The following SATB2 variants were observed in gnomAD, a reference collection of about 807,000 sequenced individuals.
SATB2 encodes SATB homeobox 2, also known as DNA-binding protein SATB2.
SATB2 carries 1 observed loss-of-function variant against 73.4 expected under a neutral mutation model. The ratio of observed to expected loss-of-function variants is 0.01; its 90% CI spans 0.00 to 0.06. The LOEUF is 0.06. Among genes scored for constraint, SATB2 ranks in the 10% least tolerant of loss-of-function variants. The probability of loss-of-function intolerance (pLI) is 1.00; values close to 1 mark genes in which losing one functional copy is unlikely to be tolerated. For synonymous variants in SATB2, 397 were observed against 367.0 expected (o/e 1.08, Z -0.93); for missense variants, 459 against 945.8 (o/e 0.49, Z 6.75).
intron 3 of SATB2, among the ~76,000 whole-genome samples, chr2:199,424,110 AC>A (rs1213167802): frequency 1.3e-5 from 2 of 152,206 alleles, no homozygotes; most frequent in African/African-American, 4.8e-5. Flanking sequence ...TAGAGGAAGA[AC>A]CTTTGTGTTT....
chr2:199,434,602 A>T (rs1411747176), intron 2 of SATB2, among the ~76,000 whole-genome samples: 1 of 152,240 alleles, frequency 6.6e-6, no homozygotes, highest in East Asian at 1.9e-4. Flanking sequence ...TTTGTGCAAG[A>T]AAAATTAAAA....
At chr2:199,376,112 G>T (rs1404785266) in intron 5 of SATB2, among the ~76,000 whole-genome samples, 1 of 152,092 alleles carries the variant, frequency 6.6e-6, no homozygotes, top group Non-Finnish European at 1.5e-5. Flanking sequence ...GAATGCCAGG[G>T]TCCACATTAC....
chr2:199,358,059 T>C (rs1689038546), intron 6 of SATB2, among the ~76,000 whole-genome samples: 1 of 152,124 alleles, frequency 6.6e-6, no homozygotes, highest in South Asian at 2.1e-4. Flanking sequence ...CACCTGATAC[T>C]TATTTTGTCT....
intron 7 of SATB2, among the ~76,000 whole-genome samples, chr2:199,344,668 C>T (rs990005519): frequency 6.6e-6 from 1 of 152,192 alleles, no homozygotes; most frequent in Admixed American, 6.5e-5. Flanking sequence ...AGTTCCAGCA[C>T]CGCTGAAGAC....
At chr2:199,309,011 G>C (rs1326236897) in intron 9 of SATB2, 54 bp from the exon 10 acceptor site, 2 of 1,475,740 alleles carry the variant, frequency 1.4e-6, no homozygotes, top group Non-Finnish European at 1.9e-6. Context: ...AGGAGCTGAG[G>C]GGGCCTTGAC....
intron 9 of SATB2, among the ~76,000 whole-genome samples, chr2:199,318,024 G>C (rs969324499): frequency 3.9e-5 from 6 of 152,010 alleles, no homozygotes; most frequent in African/African-American, 1.5e-4. Flanking sequence ...ACTGGTCCAT[G>C]ATAGGCTCTC....
intron 9 of SATB2, among the ~76,000 whole-genome samples, chr2:199,309,875 G>A (rs1687547683): frequency 6.6e-6 from 1 of 152,136 alleles, no homozygotes; most frequent in South Asian, 2.1e-4. Flanking sequence ...ATGACTTTGT[G>A]AAAAATAATT....
intron 10 of SATB2, among the ~76,000 whole-genome samples, chr2:199,300,761 A>G (rs1687265256): frequency 6.6e-6 from 1 of 152,106 alleles, no homozygotes; most frequent in Non-Finnish European, 1.5e-5. Flanking sequence ...TTAGACTATT[A>G]TTTAAAGAAA....
chr2:199,444,575 C>T (rs1691910576), intron 2 of SATB2, among the ~76,000 whole-genome samples: 1 of 152,132 alleles, frequency 6.6e-6, no homozygotes, highest in Non-Finnish European at 1.5e-5. Context: ...CCCCCTCCCC[C>T]TAGAAAGCCA....
rs1688479812 is a variant in SATB2 at position 199,340,689 on chromosome 2, T to C, written c.1173+8012A>G. On this transcript the variant is annotated intron_variant, in intron 7 of 10. Transcript: ENST00000417098. ...TTATTGCTAATTCCTTGCATAAGGA[T>C]GTTTCCTGAACTCTGCTACCAAGGT... Among the ~76,000 whole-genome samples, 3 of 152,206 alleles carry C rather than the reference T, an allele frequency of 2.0e-5. No homozygotes were observed. In the South Asian group the frequency reaches 6.2e-4, roughly 31 times the overall value.
chr2:199,293,905 A>G (rs1692947796), intron 10 of SATB2, among the ~76,000 whole-genome samples: 1 of 151,396 alleles, frequency 6.6e-6, no homozygotes, highest in Non-Finnish European at 1.5e-5. Flanking sequence ...AACAAAACAA[A>G]ACACAAAACT....
chr2:199,312,470 A>C (rs1426511058), intron 9 of SATB2, among the ~76,000 whole-genome samples: 1 of 152,212 alleles, frequency 6.6e-6, no homozygotes, highest in African/African-American at 2.4e-5. Flanking sequence ...CTAGGAATGT[A>C]GAAGGTATCA....
chr2:199,430,716 T>C (rs142761555), intron 3 of SATB2, among the ~76,000 whole-genome samples: 1 of 152,188 alleles, frequency 6.6e-6, no homozygotes, highest in Non-Finnish European at 1.5e-5. Context: ...CTGGAGGGAA[T>C]ACCCTCTGAG....
Position 199,352,269 on chromosome 2 carries a change from A to G in SATB2, c.701-3096T>C, listed in dbSNP as rs1358409220. ...AATTTTCCAAAATTTTGGTATTTTCATTTTTCAACAATTTAATTACATTTG... is the reference window on the plus strand; with the variant it reads ...AATTTTCCAAAATTTTGGTATTTTCGTTTTTCAACAATTTAATTACATTTG... On this transcript the variant is annotated intron_variant, in intron 6 of 10. Transcript: ENST00000417098. 7.2e-5 allele frequency among the ~76,000 whole-genome samples: 11 copies of G among 152,282 alleles called. No individual in the cohort carries two copies. In the South Asian group the frequency reaches 2.3e-3, roughly 32 times the overall value.
At chr2:199,442,503 A>G (rs1691848653) in intron 2 of SATB2, among the ~76,000 whole-genome samples, 2 of 152,216 alleles carry the variant, frequency 1.3e-5, no homozygotes, top group South Asian at 2.1e-4. Context: ...GAAAGACTAC[A>G]GTATCTTTTC....
chr2:199,357,939 A>G (rs1689034608), intron 6 of SATB2, among the ~76,000 whole-genome samples: 1 of 152,190 alleles, frequency 6.6e-6, no homozygotes, highest in African/African-American at 2.4e-5. Context: ...CTCACATAAT[A>G]TAACAGCTTG....
chr2:199,388,510 G>A (rs1690026327), intron 3 of SATB2, among the ~76,000 whole-genome samples: 1 of 152,042 alleles, frequency 6.6e-6, no homozygotes, highest in African/African-American at 2.4e-5. Flanking sequence ...ATATATATTG[G>A]GTATACTGCA....
At chr2:199,351,630 A>G (rs901479299) in intron 6 of SATB2, among the ~76,000 whole-genome samples, 8 of 152,184 alleles carry the variant, frequency 5.3e-5, no homozygotes, top group African/African-American at 1.9e-4. Context: ...ATAATCTAAC[A>G]GTTTCCATAG....
intron 6 of SATB2, among the ~76,000 whole-genome samples, chr2:199,368,136 A>G (rs551842697): frequency 2.6e-5 from 4 of 152,208 alleles, no homozygotes; most frequent in African/African-American, 9.6e-5. Context: ...TCCCACAGCT[A>G]GAATGTAGAA....
Sources: gnomAD v4.1 joint callset for allele counts (sites outside exome capture counted in the v4.1 genomes callset) on GRCh38, gnomAD v4.1.1 for gene constraint, MANE v1.5 for transcripts, NCBI Gene and HGNC (gene_info 2026-07-23, HGNC 2026-07-21) for gene names.